The following PLB1 variants were observed in gnomAD, a reference collection of about 807,000 sequenced individuals.
PLB1 encodes the protein phospholipase B1, membrane-associated.
In PLB1, 242 loss-of-function variants were observed where a neutral mutation model predicts 227.4. That is an observed-to-expected ratio of 1.06 (90% CI 0.96 to 1.18). The LOEUF (loss-of-function observed/expected upper bound fraction) is 1.18. Among genes scored for constraint, PLB1 ranks in the 50% most tolerant of loss-of-function variants. The probability of loss-of-function intolerance (pLI) is 0.00; values close to 1 mark genes in which losing one functional copy is unlikely to be tolerated. For synonymous variants in PLB1, 757 were observed against 682.2 expected (o/e 1.11, Z -1.71); for missense variants, 1,858 against 1,816.3 (o/e 1.02, Z -0.42).
At chr2:28,530,951 A>G (rs1054228721) in intron 8 of PLB1, among the ~76,000 whole-genome samples, 5 of 152,248 alleles carry the variant, frequency 3.3e-5, no homozygotes, top group Non-Finnish European at 5.9e-5. Context: ...AATTTTCCAG[A>G]TGAGGAAACT....
intron 5 of PLB1, 89 bp downstream of exon 5, chr2:28,525,396 G>T: frequency 7.0e-7 from 1 of 1,422,838 alleles, no homozygotes; most frequent in South Asian, 1.2e-5. Context: ...AAGATTGGAG[G>T]CCAGGGAGGC....
chr2:28,623,989 C>T lies in PLB1; in HGVS notation c.3528-1068C>T, dbSNP rs545896641. Among the ~76,000 whole-genome samples the T allele has an allele frequency of 3.4e-4, 52 of 151,988 alleles. 1 individual carries two copies. Among genetic ancestry groups the T allele is most frequent in the Admixed American group, 2.9e-3 (44 of 15,256 alleles). Reference sequence around the variant, plus strand: ...GCATGGACCTGTAGTCCCAGCTACTCGGAAGGCTGAGATGGGAGGATCACT... The same window carrying T: ...GCATGGACCTGTAGTCCCAGCTACTTGGAAGGCTGAGATGGGAGGATCACT... On this transcript the variant is annotated intron_variant, in intron 49 of 57. Transcript: ENST00000327757.
At chr2:28,520,151 C>A (rs903362297) in intron 4 of PLB1, among the ~76,000 whole-genome samples, 7 of 151,794 alleles carry the variant, frequency 4.6e-5, no homozygotes, top group African/African-American at 1.7e-4. Flanking sequence ...TAGTCTCGAA[C>A]TCCTGACCTC....
At chr2:28,532,375 C>T (rs542748955) in intron 9 of PLB1, among the ~76,000 whole-genome samples, 181 bp downstream of exon 9, 3 of 151,918 alleles carry the variant, frequency 2.0e-5, no homozygotes, top group African/African-American at 7.3e-5. Context: ...GACAGACAGA[C>T]AGTCACATAC....
chr2:28,636,039 G>GTGTGTGTATGTGTA (rs1553467808), intron 56 of PLB1, among the ~76,000 whole-genome samples: 1 of 91,276 alleles, frequency 1.1e-5, no homozygotes, highest in African/African-American at 3.3e-5. Flanking sequence ...ATGTGTGTGT[G>GTGTGTGTATGTGTA]TGTATGTATG....
At chr2:28,532,610 C>A (rs1217835270) in intron 9 of PLB1, among the ~76,000 whole-genome samples, 2 of 152,106 alleles carry the variant, frequency 1.3e-5, no homozygotes, top group African/African-American at 4.8e-5. Context: ...GAAATAGAGG[C>A]ATAGATAAGC....
chr2:28,632,665 G>A (rs11127184), intron 55 of PLB1, among the ~76,000 whole-genome samples: 38,778 of 151,806 alleles, frequency 0.26, 4,959 homozygotes, highest in East Asian at 0.33. Flanking sequence ...GCAGGCACCT[G>A]TAATCCCAGG....
Position 28,625,109 on chromosome 2 carries a change from G to A in PLB1, c.3579+1G>A, listed in dbSNP as rs144624127. The A allele has an allele frequency of 3.9e-5, 63 of 1,612,814 alleles. No homozygotes were observed. Among genetic ancestry groups the A allele is most frequent in the African/African-American group, 3.6e-4 (27 of 74,992 alleles). On this transcript the variant is annotated splice_donor_variant, in intron 50 of 57. Transcript: ENST00000327757. LOFTEE classifies it high-confidence loss of function. ...GGTAGAGCGAATGAAAAACAGCCCC[G>A]TGAGTACAGGCCCCCAGGCCACCCC...
At chr2:28,591,229 C>A in intron 30 of PLB1, 58 bp downstream of exon 30, 1 of 1,601,270 alleles carries the variant, frequency 6.2e-7, no homozygotes, top group Non-Finnish European at 8.6e-7. Context: ...AACCCCTGGG[C>A]TGGGACAGGC....
intron 1 of PLB1, among the ~76,000 whole-genome samples, chr2:28,507,035 A>G (rs4405714): frequency 0.96 from 145,634 of 152,258 alleles, 69,760 homozygotes; most frequent in East Asian, 1. Flanking sequence ...CACACCTGCC[A>G]CCATCCAGCT....
Position 28,620,870 on chromosome 2 carries a change from C to T in PLB1, c.3428-9C>T. On this transcript the variant is annotated splice_polypyrimidine_tract_variant and intron_variant, in intron 48 of 57. Coordinates refer to ENST00000327757, the MANE Select transcript of PLB1 (RefSeq NM_153021.5). ...CCTGTGCTCTTCTCCTCCTCCTCCT[C>T]CTCTAAAGACATTCTGAAGAAGTTC... The T allele has an allele frequency of 1.9e-6, 3 of 1,611,102 alleles. No individual in the cohort carries two copies. Among genetic ancestry groups the T allele is most frequent in the Non-Finnish European group, 2.5e-6 (3 of 1,177,326 alleles).
intron 42 of PLB1, 93 bp downstream of exon 42, chr2:28,606,041 G>C (rs1006799894): frequency 9.2e-6 from 9 of 974,968 alleles, no homozygotes; most frequent in Non-Finnish European, 1.4e-5. Context: ...GTGAGGCTGA[G>C]GGGGCAGTGG....
chr2:28,620,124 T>G, intron 46 of PLB1, 141 bp from the exon 47 acceptor site: 2 of 549,698 alleles, frequency 3.6e-6, no homozygotes, highest in East Asian at 6.1e-5. Flanking sequence ...CACTCCAAGT[T>G]TAATATGGCC....
rs189401355 is a variant in PLB1 at position 28,593,591 on chromosome 2, G to A, written c.2248-90G>A. On this transcript the variant is annotated intron_variant, in intron 32 of 57. Coordinates refer to ENST00000327757, the MANE Select transcript of PLB1 (RefSeq NM_153021.5). ...TGCTCCTGCCACCACGAGTGCATTG[G>A]GAACCCCCTCTTTGGAAGCCCTGTG... is the stretch of plus-strand genomic sequence containing the variant. 238 of 1,105,698 alleles carry A rather than the reference G, an allele frequency of 2.2e-4. No homozygotes were observed. In the African/African-American group the frequency reaches 3.5e-3, roughly 16 times the overall value. 68.5% of individuals were successfully genotyped at this position (1,105,698 alleles called of 1,614,324 possible). A position where few individuals can be genotyped will look rare whatever the true frequency, so the allele number is the denominator to read the frequency against.
At chr2:28,600,165 C>G (rs902253913) in intron 35 of PLB1, among the ~76,000 whole-genome samples, 6 of 152,220 alleles carry the variant, frequency 3.9e-5, no homozygotes, top group African/African-American at 1.4e-4. Flanking sequence ...CCACCTCAGC[C>G]TCCCAAAGTG....
chr2:28,632,996 A>G lies in PLB1; in HGVS notation c.4055A>G (p.Asp1352Gly). The G allele has an allele frequency of 6.2e-7, 1 of 1,608,392 alleles. No individual in the cohort carries two copies. Among genetic ancestry groups the G allele is most frequent in the Non-Finnish European group, 8.5e-7 (1 of 1,179,958 alleles). The change falls in exon 56 of 58, where the codon GAC becomes GGC. Residue 1352 changes from aspartate (D) to glycine (G), a missense_variant. Coordinates refer to ENST00000327757, the MANE Select transcript of PLB1 (RefSeq NM_153021.5). ...TCCGAGGACTGTTTTCACTTCTCAG[A>G]CCGCGGGCATGCCGAGATGGCCATC... is the stretch of plus-strand genomic sequence containing the variant. ...FFSEDCFHFS[D>G]RGHAEMAIAL...
intron 44 of PLB1, among the ~76,000 whole-genome samples, chr2:28,616,033 A>G (rs192537638): frequency 2.0e-4 from 31 of 152,366 alleles, no homozygotes; most frequent in Admixed American, 2.0e-3. Context: ...TTGACTTCAC[A>G]GAAGTAGAGT....
At chr2:28,521,513 C>G (rs1382214061) in intron 4 of PLB1, among the ~76,000 whole-genome samples, 2 of 152,054 alleles carry the variant, frequency 1.3e-5, no homozygotes, top group Non-Finnish European at 2.9e-5. Context: ...GAGGTGATGT[C>G]TCATGGTGGT....
chr2:28,633,538 C>A, intron 56 of PLB1: 1 of 154,732 alleles, frequency 6.5e-6, no homozygotes, highest in Non-Finnish European at 1.4e-5. Flanking sequence ...TCAACTCATA[C>A]CCAACTCATT....
Sources: gnomAD v4.1 joint callset for allele counts (sites outside exome capture counted in the v4.1 genomes callset) on GRCh38, gnomAD v4.1.1 for gene constraint, MANE v1.5 for transcripts, NCBI Gene and HGNC (gene_info 2026-07-23, HGNC 2026-07-21) for gene names.